The following MCTP2 variants were observed in gnomAD, a reference collection of about 807,000 sequenced individuals.
MCTP2 encodes the protein multiple C2 and transmembrane domain-containing protein 2.
A neutral mutation model predicts 111.6 loss-of-function variants in MCTP2; 132 were observed. The ratio of observed to expected loss-of-function variants is 1.18; its 90% confidence interval spans 1.03 to 1.37. MCTP2 has a LOEUF of 1.37. Among genes scored for constraint, MCTP2 ranks in the 40% most tolerant of loss-of-function variants. The probability of loss-of-function intolerance (pLI) is 0.00; values close to 1 mark genes in which losing one functional copy is unlikely to be tolerated. For missense variants in MCTP2, 1,183 were observed against 1,067.9 expected (o/e 1.11, Z -1.50); for synonymous variants, 395 against 387.7 (o/e 1.02, Z -0.22).
intron 1 of MCTP2, among the ~76,000 whole-genome samples, chr15:94,243,132 G>GGTGTGGATATATTTATATACGT (rs1272026740): frequency 6.9e-6 from 1 of 144,082 alleles, no homozygotes; most frequent in Non-Finnish European, 1.5e-5. Flanking sequence ...TGTATCTACG[G>GGTGTGGATATATTTATATACGT]GTGTGGATAT....
chr15:94,275,079 T>C (rs888739063), intron 1 of MCTP2, among the ~76,000 whole-genome samples: 1 of 152,182 alleles, frequency 6.6e-6, no homozygotes, highest in African/African-American at 2.4e-5. Context: ...GCTTTGAAGG[T>C]TGCAGAAGAA....
intron 2 of MCTP2, among the ~76,000 whole-genome samples, chr15:94,306,782 G>A (rs142894605): frequency 5.3e-5 from 8 of 152,258 alleles, no homozygotes; most frequent in African/African-American, 1.9e-4. Context: ...ATGCACTTAC[G>A]TGGGTGAGTT....
chr15:94,377,407 A>C (rs1248217188), intron 12 of MCTP2, among the ~76,000 whole-genome samples: 1 of 152,218 alleles, frequency 6.6e-6, no homozygotes, highest in African/African-American at 2.4e-5. Context: ...TGCCTCTGGC[A>C]GGCCGTCTGC....
chr15:94,312,384 T>G (rs2076184943), intron 2 of MCTP2, among the ~76,000 whole-genome samples: 1 of 152,200 alleles, frequency 6.6e-6, no homozygotes, highest in South Asian at 2.1e-4. Context: ...ACATAACACA[T>G]GCAGGAGATA....
chr15:94,451,851 C>G (rs2084481494), intron 19 of MCTP2, among the ~76,000 whole-genome samples: 1 of 152,144 alleles, frequency 6.6e-6, no homozygotes, highest in African/African-American at 2.4e-5. Context: ...CCCCAGTATT[C>G]TTTAAACTAG....
At chr15:94,306,749 A>C (rs775183521) in intron 2 of MCTP2, among the ~76,000 whole-genome samples, 5 of 152,202 alleles carry the variant, frequency 3.3e-5, no homozygotes, top group African/African-American at 4.8e-5. Flanking sequence ...TGGCAGTTGG[A>C]GTTGTGAATA....
chr15:94,343,747 A>G (rs2077795194), intron 7 of MCTP2: 1 of 152,204 alleles, frequency 6.6e-6, no homozygotes, highest in South Asian at 2.1e-4. Flanking sequence ...TCTCTAAGCT[A>G]TAATTTCCTC....
chr15:94,391,653 T>C (rs2080985376), intron 14 of MCTP2, among the ~76,000 whole-genome samples: 3 of 152,224 alleles, frequency 2.0e-5, no homozygotes, highest in African/African-American at 7.2e-5. Context: ...CCTGGTCCAA[T>C]GTAACCATTG....
At chr15:94,300,337 A>T (rs1009774202) in intron 2 of MCTP2, among the ~76,000 whole-genome samples, 1 of 151,928 alleles carries the variant, frequency 6.6e-6, no homozygotes, top group Non-Finnish European at 1.5e-5. Flanking sequence ...GTGAAACCCC[A>T]TCTCTACTAA....
Position 94,317,409 on chromosome 15 carries a change from T to C in MCTP2, c.637+1772T>C, listed in dbSNP as rs538486798. ...CAGGCTAGGTTCTTCCCATTCCTCCTGGTTATCACCTGCCACTTAAAGCTT... is the reference window on the plus strand; with the variant it reads ...CAGGCTAGGTTCTTCCCATTCCTCCCGGTTATCACCTGCCACTTAAAGCTT... On this transcript the variant is annotated intron_variant, in intron 4 of 22. Transcript: ENST00000357742. Among the ~76,000 whole-genome samples the C allele has an allele frequency of 2.6e-5, 4 of 152,342 alleles. No individual in the cohort carries two copies. The East Asian group carries it at 7.7e-4, about 29-fold the overall frequency.
At chr15:94,466,500 A>T (rs1251617374) in intron 20 of MCTP2, among the ~76,000 whole-genome samples, 1 of 152,140 alleles carries the variant, frequency 6.6e-6, no homozygotes, top group Non-Finnish European at 1.5e-5. Flanking sequence ...TTCTCCACTT[A>T]GCACCGAGGG....
Position 94,298,400 on chromosome 15 carries a change from C to T in MCTP2, c.135C>T (p.Asp45=), listed in dbSNP as rs766093256. The T allele has an allele frequency of 1.2e-6, 2 of 1,614,208 alleles. No homozygotes were observed. Among genetic ancestry groups the T allele is most frequent in the South Asian group, 2.2e-5 (2 of 91,084 alleles). ...ATCTACGGGCAAGGCATCACTTGGA[C>T]CGCCGTCTCAGCCTCTCTGTGCCTG... The part of the protein sequence containing the change: ...PPDLRARHHL[D]RRLSLSVPDL... The change falls in exon 2 of 23, where the codon GAC becomes GAT. Residue 45 remains aspartate, a synonymous_variant. Coordinates refer to ENST00000357742, the MANE Select transcript of MCTP2 (RefSeq NM_001385001.1).
At chr15:94,407,168 A>C (rs566563935) in intron 17 of MCTP2, among the ~76,000 whole-genome samples, 1 of 152,196 alleles carries the variant, frequency 6.6e-6, no homozygotes. Flanking sequence ...AATGTTGTCT[A>C]TTAAAAGTCC....
intron 2 of MCTP2, among the ~76,000 whole-genome samples, chr15:94,301,092 G>A (rs373116778): frequency 4.6e-5 from 7 of 152,198 alleles, no homozygotes; most frequent in Admixed American, 1.3e-4. Flanking sequence ...CCCTTTTAAC[G>A]CAACCATTTT....
At chr15:94,348,341 C>T (rs1254717953) in intron 8 of MCTP2, among the ~76,000 whole-genome samples, 10 of 147,186 alleles carry the variant, frequency 6.8e-5, no homozygotes, top group African/African-American at 2.3e-4. Flanking sequence ...TTCCCCTCTC[C>T]CTCTCCTCTC....
At position 94,401,922 on chromosome 15, in the gene MCTP2, G is replaced by C; in HGVS notation, c.1988G>C (p.Arg663Pro). 1 of 1,611,824 alleles carries C rather than the reference G, an allele frequency of 6.2e-7. No individual in the cohort carries two copies. Among genetic ancestry groups the C allele is most frequent in the South Asian group, 1.1e-5 (1 of 90,768 alleles). The change falls in exon 17 of 23, where the codon CGT becomes CCT. Residue 663 changes from arginine to proline, a missense_variant. Arg to Pro is a moderately radical substitution (Grantham distance 103, BLOSUM62 -2). Coordinates refer to ENST00000357742, the MANE Select transcript of MCTP2 (RefSeq NM_001385001.1). ...CAGATCTTATCAAGAGATGTGGACC[G>C]TGTGAAAAGAATCACTATGGCAATA... ...SKKILSRDVD[R>P]VKRITMAIWN...
intron 19 of MCTP2, among the ~76,000 whole-genome samples, chr15:94,456,101 A>AAATT (rs748399436): frequency 5.3e-5 from 8 of 152,356 alleles, no homozygotes; most frequent in African/African-American, 1.9e-4. Context: ...CAATAATCAA[A>AAATT]AATTAATTGT....
At chr15:94,362,728 A>G (rs1567530839) in intron 10 of MCTP2, among the ~76,000 whole-genome samples, 2 of 152,216 alleles carry the variant, frequency 1.3e-5, no homozygotes, top group Non-Finnish European at 2.9e-5. Context: ...AATATAAAAC[A>G]TAGAATTATG....
chr15:94,471,788 A>G (rs1198071218), intron 21 of MCTP2, among the ~76,000 whole-genome samples: 1 of 151,694 alleles, frequency 6.6e-6, no homozygotes, highest in African/African-American at 2.4e-5. Context: ...ATTTTCCTGA[A>G]TAATTTATAT....
Sources: allele counts gnomAD v4.1 joint callset (sites outside exome capture counted in the v4.1 genomes callset), GRCh38; gene constraint gnomAD v4.1.1; transcripts MANE v1.5; gene names NCBI Gene and HGNC (gene_info 2026-07-23, HGNC 2026-07-21).